The following WDPCP variants were observed in gnomAD, a reference collection of about 807,000 sequenced individuals.
The protein encoded by WDPCP is WD repeat containing planar cell polarity effector, also known as WD repeat-containing and planar cell polarity effector protein fritz homolog.
A neutral mutation model predicts 93.1 loss-of-function variants in WDPCP; 71 were observed. That is an observed-to-expected ratio of 0.76 (90% CI 0.63 to 0.93). The LOEUF (loss-of-function observed/expected upper bound fraction) is 0.93. WDPCP is among the 40% of genes least tolerant of loss of function. The pLI is 0.00. For synonymous variants in WDPCP, 315 were observed against 315.0 expected, an observed-to-expected ratio of 1.00 and a Z score of 0.00; for missense variants, 844 against 887.4, an observed-to-expected ratio of 0.95 and a Z score of 0.62.
At chr2:63,338,458 A>C (rs1360034807) in intron 12 of WDPCP, among the ~76,000 whole-genome samples, 2 of 151,112 alleles carry the variant, frequency 1.3e-5, no homozygotes, top group African/African-American at 2.4e-5. Context: ...AAGCTGAGGC[A>C]GGAGAACCAC....
chr2:63,790,216 C>A (rs921477608), intron 2 of WDPCP, among the ~76,000 whole-genome samples: 1 of 152,164 alleles, frequency 6.6e-6, no homozygotes, highest in Non-Finnish European at 1.5e-5. Context: ...GATGGGGTAG[C>A]CAGTCCTCAC....
At chr2:63,239,750 G>A (rs939686897) in intron 14 of WDPCP, among the ~76,000 whole-genome samples, 2 of 151,882 alleles carry the variant, frequency 1.3e-5, no homozygotes, top group African/African-American at 4.8e-5. Flanking sequence ...CTCTGCTTGG[G>A]CACTTTAATG....
chr2:63,485,232 G>T (rs907574539), intron 4 of WDPCP, among the ~76,000 whole-genome samples: 2 of 151,734 alleles, frequency 1.3e-5, no homozygotes, highest in African/African-American at 4.8e-5. Context: ...GAATCCCTGG[G>T]AAAGTTTGCT....
At chr2:63,730,999 G>T (rs1442570308) in intron 2 of WDPCP, among the ~76,000 whole-genome samples, 1 of 152,116 alleles carries the variant, frequency 6.6e-6, no homozygotes, top group South Asian at 2.1e-4. Context: ...GGCCGGGTAC[G>T]GTGGCTCATG....
chr2:63,460,713 G>A (rs760872302), intron 6 of WDPCP, among the ~76,000 whole-genome samples: 9 of 151,440 alleles, frequency 5.9e-5, no homozygotes, highest in Non-Finnish European at 1.0e-4. Context: ...TGCAAGCTCC[G>A]CCTCCCAGGT....
At chr2:63,344,603 T>A (rs1689066100) in intron 12 of WDPCP, among the ~76,000 whole-genome samples, 1 of 152,186 alleles carries the variant, frequency 6.6e-6, no homozygotes, top group Non-Finnish European at 1.5e-5. Flanking sequence ...CTTTCCCAGG[T>A]TTCTTTGGTC....
intron 12 of WDPCP, among the ~76,000 whole-genome samples, chr2:63,351,505 T>C (rs1401814055): frequency 6.6e-6 from 1 of 152,118 alleles, no homozygotes; most frequent in African/African-American, 2.4e-5. Flanking sequence ...TTAGCTCTCA[T>C]TTATAAATGA....
chr2:63,156,192 G>T (rs537021351), intron 15 of WDPCP, among the ~76,000 whole-genome samples: 2 of 151,690 alleles, frequency 1.3e-5, no homozygotes, highest in South Asian at 4.2e-4. Flanking sequence ...TAACAGAGAC[G>T]GTGTTTCACC....
chr2:63,497,247 TC>T (rs910830302), intron 1 of WDPCP, among the ~76,000 whole-genome samples: 4 of 151,760 alleles, frequency 2.6e-5, no homozygotes, highest in Non-Finnish European at 5.9e-5. Flanking sequence ...ACATGGGTGG[TC>T]AAGGAGTGCC....
chr2:63,404,469 T>C lies in WDPCP; in HGVS notation c.1014A>G (p.Ser338=). The C allele has an allele frequency of 6.2e-7, 1 of 1,614,168 alleles. No individual in the cohort carries two copies. The highest frequency in any genetic ancestry group is 8.5e-7 in the Non-Finnish European group (1 of 1,180,026). ...CVSVTRIPLK[S]KAISCCRNVT... ...CATTCCTGCAGCAGCTGATGGCCTT[T>C]GACTTTAGTGGTATTCTGGTGACTG... The change falls in exon 10 of 18, where the codon TCA becomes TCG. Residue 338 remains serine (S), a synonymous_variant. Transcript: ENST00000272321.
At chr2:63,605,647 A>G (rs761155666) in intron 3 of WDPCP, among the ~76,000 whole-genome samples, 1 of 152,160 alleles carries the variant, frequency 6.6e-6, no homozygotes, top group Non-Finnish European at 1.5e-5. Context: ...CACCTGGCAC[A>G]ATGCCTGATA....
At chr2:63,212,096 T>G (rs968067436) in intron 14 of WDPCP, among the ~76,000 whole-genome samples, 1 of 151,976 alleles carries the variant, frequency 6.6e-6, no homozygotes, top group Admixed American at 6.6e-5. Context: ...AGGCCAACAT[T>G]CAAATTAAGG....
chr2:63,643,693 TC>T, intron 3 of WDPCP: 1 of 482,336 alleles, frequency 2.1e-6, no homozygotes. Context: ...GTACTTAGCC[TC>T]CTCAGATGTA....
In WDPCP at chr2:63,522,493, C is replaced by CACACAA. The variant is rs1390592393; in HGVS notation, c.76-29554_76-29553insTTGTGT. Among the ~76,000 whole-genome samples, 7 of 151,060 alleles carry CACACAA rather than the reference C, an allele frequency of 4.6e-5. No homozygotes were observed. The East Asian group carries it at 1.4e-3, about 29-fold the overall frequency. ...ACACACACACACACACACACACACACACAAACATACAAAAGATCAATGAAT... is the reference window on the plus strand; with the variant it reads ...ACACACACACACACACACACACACACACACAAACAAACATACAAAAGATCAATGAAT... On this transcript the variant is annotated intron_variant, in intron 1 of 17. Transcript: ENST00000272321.
intron 14 of WDPCP, among the ~76,000 whole-genome samples, chr2:63,212,362 A>G (rs138419780): frequency 0.16 from 24,020 of 152,176 alleles, 2,565 homozygotes; most frequent in Non-Finnish European, 0.2. Flanking sequence ...ATATCCAGCC[A>G]AAATAAGCTT....
At chr2:63,145,388 T>G (rs1044180292) in intron 17 of WDPCP, among the ~76,000 whole-genome samples, 1 of 152,162 alleles carries the variant, frequency 6.6e-6, no homozygotes. Flanking sequence ...GGGGTGGGGC[T>G]AGGCATGTCT....
intron 14 of WDPCP, among the ~76,000 whole-genome samples, chr2:63,193,825 C>T (rs1675219094): frequency 6.6e-6 from 1 of 151,960 alleles, no homozygotes; most frequent in South Asian, 2.1e-4. Flanking sequence ...ACTTTTACAA[C>T]CCAGGTTTAT....
Position 63,570,645 on chromosome 2 carries a change from T to C in WDPCP, c.75+17552A>G, listed in dbSNP as rs986029433. Among the ~76,000 whole-genome samples the C allele has an allele frequency of 3.9e-5, 6 of 152,206 alleles. No homozygotes were observed. In the East Asian group the frequency reaches 7.7e-4, roughly 20 times the overall value. ...GGGAGAAATTGAAGTGTATATATTATATGTAGGAAAAACAGAATGCCAAGT... is the reference window on the plus strand; with the variant it reads ...GGGAGAAATTGAAGTGTATATATTACATGTAGGAAAAACAGAATGCCAAGT... On this transcript the variant is annotated intron_variant, in intron 1 of 17. Coordinates refer to ENST00000272321, the MANE Select transcript of WDPCP (RefSeq NM_015910.7).
chr2:63,340,201 AGGT>A (rs749475911), intron 12 of WDPCP, among the ~76,000 whole-genome samples: 4 of 152,106 alleles, frequency 2.6e-5, no homozygotes, highest in Non-Finnish European at 5.9e-5. Context: ...TTTTGGCTCA[AGGT>A]GGCTCTTTAA....
Sources: gnomAD v4.1 joint callset for allele counts (sites outside exome capture counted in the v4.1 genomes callset) on GRCh38, gnomAD v4.1.1 for gene constraint, MANE v1.5 for transcripts, NCBI Gene and HGNC (gene_info 2026-07-23, HGNC 2026-07-21) for gene names.